Variants in ABCB4 observed in about 807,000 individuals in gnomAD.
ABCB4 encodes the protein phosphatidylcholine translocator ABCB4.
A neutral mutation model predicts 145.7 loss-of-function variants in ABCB4; 76 were observed. The observed-to-expected ratio is 0.52, with a 90% CI of 0.43 to 0.63. The LOEUF is 0.63. ABCB4 is among the 30% of genes least tolerant of loss of function. The pLI is 0.00. For synonymous variants in ABCB4, 517 were observed against 566.8 expected, an observed-to-expected ratio of 0.91 and a Z score of 1.25; for missense variants, 1,234 against 1,553.1, an observed-to-expected ratio of 0.79 and a Z score of 3.45.
chr7:87,369,492 G>A, the ABCB4 span: 1 of 1,592,550 alleles, frequency 6.3e-7, no homozygotes, highest in East Asian at 2.2e-5. Flanking sequence ...CAGGTTTTCA[G>A]ACTACTTTCT....
In ABCB4 at chr7:87,423,995, A is replaced by T; in HGVS notation, c.2122T>A (p.Trp708Arg). 1.2e-6 allele frequency: 2 copies of T among 1,614,114 alleles called. No homozygotes were observed. Among genetic ancestry groups the T allele is most frequent in the Non-Finnish European group, 1.7e-6 (2 of 1,179,970 alleles). Residue 708 changes from tryptophan (W) to arginine (R), a missense_variant, in exon 17 of 28, where the codon TGG (tryptophan) becomes AGG (arginine). Trp to Arg is a moderately radical substitution (Grantham distance 101). Coordinates refer to ENST00000649586, the MANE Select transcript of ABCB4 (RefSeq NM_000443.4). ...ACTGTTCCCACGACAAAGTAGGGCCATTCTGTTTTATTCAGTTTCAGGACC... is the reference window on the plus strand; with the variant it reads ...ACTGTTCCCACGACAAAGTAGGGCCTTTCTGTTTTATTCAGTTTCAGGACC... Reference protein sequence around the residue: ...LKVLKLNKTEWPYFVVGTVCA... With the variant: ...LKVLKLNKTERPYFVVGTVCA...
intron 14 of ABCB4, among the ~76,000 whole-genome samples, chr7:87,433,669 G>GTTTTT (rs752621529): frequency 0.011 from 1,326 of 123,884 alleles, 32 homozygotes; most frequent in South Asian, 0.025. Context: ...ACAAAAAATT[G>GTTTTT]TTGTTGTTTT....
At chr7:87,434,085 C>T (rs1810439881) in intron 14 of ABCB4, among the ~76,000 whole-genome samples, 1 of 150,438 alleles carries the variant, frequency 6.6e-6, no homozygotes, top group African/African-American at 2.5e-5. Context: ...CCCACCACCA[C>T]ACCTGGCTAA....
intron 18 of ABCB4, 78 bp downstream of exon 18, chr7:87,422,043 G>A (rs1391217646): frequency 2.9e-6 from 3 of 1,038,556 alleles, no homozygotes; most frequent in African/African-American, 3.2e-5. Flanking sequence ...GTAAGAATTT[G>A]GAAGCTCCAT....
At chr7:87,442,941 C>T (rs1811083845) in intron 12 of ABCB4, among the ~76,000 whole-genome samples, 1 of 152,072 alleles carries the variant, frequency 6.6e-6, no homozygotes, top group Non-Finnish European at 1.5e-5. Flanking sequence ...TAATTGCTGT[C>T]CTAAAATATC....
chr7:87,410,138 T>C (rs780658301), intron 23 of ABCB4, among the ~76,000 whole-genome samples: 26 of 152,178 alleles, frequency 1.7e-4, no homozygotes, highest in Non-Finnish European at 2.8e-4. Flanking sequence ...AGTTCTATTT[T>C]CTAATTATAT....
chr7:87,469,884 G>T (rs186136016), intron 3 of ABCB4, among the ~76,000 whole-genome samples: 153 of 152,120 alleles, frequency 1.0e-3, no homozygotes, highest in African/African-American at 3.6e-3. Flanking sequence ...AGTTAATATG[G>T]AACCAAAAAA....
At chr7:87,405,987 T>C in intron 26 of ABCB4, 1 of 442,330 alleles carries the variant, frequency 2.3e-6, no homozygotes, top group Non-Finnish European at 4.1e-6. Flanking sequence ...ATAAAAACTA[T>C]AATTGTTTTA....
intron 17 of ABCB4, 38 bp from the exon 18 acceptor site, chr7:87,422,263 TA>T (rs758940260): frequency 4.8e-6 from 7 of 1,454,616 alleles, no homozygotes; most frequent in Middle Eastern, 1.7e-4. Flanking sequence ...TTGGATTACA[TA>T]ACTGATCCTT....
the ABCB4 span, among the ~76,000 whole-genome samples, chr7:87,384,905 TG>T: frequency 6.6e-6 from 1 of 152,204 alleles, no homozygotes. Context: ...TAAGAGATAG[TG>T]GTCCAGTTTC....
rs67476712 is a variant in ABCB4 at position 87,426,945 on chromosome 7, G to GTGTT, written c.1894-26_1894-25insAACA. On this transcript the variant is annotated intron_variant, in intron 15 of 27. Transcript: ENST00000649586. ...TCTGAAAGAATATCAAGACATTAAA[G>GTGTT]TGTGTGTGTGTGTGTGTGTGTGTGT... 3.8e-5 allele frequency: 35 copies of GTGTT among 916,996 alleles called. No individual in the cohort carries two copies. The highest frequency in any genetic ancestry group is 4.8e-5 in the Non-Finnish European group (35 of 721,724). 56.8% of individuals were successfully genotyped at this position (916,996 alleles called of 1,614,324 possible). A position where few individuals can be genotyped will look rare whatever the true frequency, so the allele number is the denominator to read the frequency against.
chr7:87,371,775 A>C, the ABCB4 span, among the ~76,000 whole-genome samples: 4 of 151,976 alleles, frequency 2.6e-5, no homozygotes, highest in Non-Finnish European at 5.9e-5. Context: ...AGGATCACTT[A>C]AGGCCAAGAG....
the ABCB4 span, chr7:87,375,791 A>C: frequency 6.2e-7 from 1 of 1,612,716 alleles, no homozygotes; most frequent in Non-Finnish European, 8.5e-7. Context: ...ATTGTATTTC[A>C]GTTGTAATAT....
Position 87,422,183 on chromosome 7 carries a change from TG to T in ABCB4, c.2253del (p.Cys751Ter). On this transcript the variant is annotated frameshift_variant, in exon 18 of 28. Coordinates refer to ENST00000649586, the MANE Select transcript of ABCB4 (RefSeq NM_000443.4). LOFTEE classifies it high-confidence loss of function. Reference protein sequence around the residue: ...PGDDAVKQQKCNIFSLIFLFL... With the variant: ...PGDDAVKQQKXNIFSLIFLFL... ...AATAAGAAAATCAAAGAGAATATGT[TG>T]CACTTCTGCTGCTTCACTGCATCAT... 1 of 1,613,790 alleles carries T rather than the reference TG, an allele frequency of 6.2e-7. No individual in the cohort carries two copies. The highest frequency in any genetic ancestry group is 8.5e-7 in the Non-Finnish European group (1 of 1,179,780).
chr7:87,376,297 AT>A, the ABCB4 span, among the ~76,000 whole-genome samples: 1 of 152,140 alleles, frequency 6.6e-6, no homozygotes, highest in Admixed American at 6.6e-5. Flanking sequence ...AGGTGAAATG[AT>A]AACCTAATCA....
chr7:87,463,725 G>A (rs1005248434), intron 3 of ABCB4, among the ~76,000 whole-genome samples: 5 of 152,168 alleles, frequency 3.3e-5, no homozygotes, highest in African/African-American at 1.2e-4. Flanking sequence ...GAAGGCCTGC[G>A]CTGGTGGGCC....
At chr7:87,454,824 G>A (rs897728835) in intron 4 of ABCB4, among the ~76,000 whole-genome samples, 2 of 152,206 alleles carry the variant, frequency 1.3e-5, no homozygotes, top group African/African-American at 4.8e-5. Context: ...GAAAGGGGAA[G>A]ATAAGCCCTC....
At chr7:87,388,279 A>C in the ABCB4 span, among the ~76,000 whole-genome samples, 1 of 152,310 alleles carries the variant, frequency 6.6e-6, no homozygotes, top group African/African-American at 2.4e-5. Flanking sequence ...AAACTACTTT[A>C]AATTTCATAT....
intron 21 of ABCB4, among the ~76,000 whole-genome samples, chr7:87,415,343 T>TAAAA (rs1808893358): frequency 2.5e-5 from 1 of 40,678 alleles, no homozygotes; most frequent in Non-Finnish European, 7.6e-5. Context: ...GTGTTTCTTT[T>TAAAA]TAAATAGTGA....
Sources: gnomAD v4.1 joint callset for allele counts (sites outside exome capture counted in the v4.1 genomes callset) on GRCh38, gnomAD v4.1.1 for gene constraint, MANE v1.5 for transcripts, NCBI Gene and HGNC (gene_info 2026-07-23, HGNC 2026-07-21) for gene names.